Variants in TINAG observed in about 807,000 individuals in gnomAD.
The protein encoded by TINAG is tubulointerstitial nephritis antigen.
Under a neutral mutation model 72.7 loss-of-function variants are expected in TINAG, and 83 were observed. The ratio of observed to expected loss-of-function variants is 1.14; its 90% CI spans 0.96 to 1.37. TINAG has a LOEUF of 1.37. TINAG is among the 40% of genes most tolerant of loss of function. The pLI is 0.00. For missense variants in TINAG, 685 were observed against 576.6 expected (o/e 1.19, Z -1.93); for synonymous variants, 234 against 189.9 (o/e 1.23, Z -1.91).
chr6:54,331,154 A>G (rs529771027), intron 4 of TINAG, among the ~76,000 whole-genome samples: 1 of 152,296 alleles, frequency 6.6e-6, no homozygotes, highest in Non-Finnish European at 1.5e-5. Context: ...GACACGACAA[A>G]AAACAAAAAT....
intron 9 of TINAG, among the ~76,000 whole-genome samples, chr6:54,377,165 A>C (rs1763807835): frequency 6.6e-6 from 1 of 152,184 alleles, no homozygotes; most frequent in Admixed American, 6.6e-5. Context: ...CCAAATAGCC[A>C]GTATTAAGAT....
rs377287502 is a variant in TINAG, at chr6:54,310,838, TC to T, written c.355+1934del. Among the ~76,000 whole-genome samples the T allele has an allele frequency of 1.4e-3, 199 of 146,648 alleles. 1 individual carries two copies. The highest frequency in any genetic ancestry group is 3.8e-3 in the Admixed American group (56 of 14,788). On this transcript the variant is annotated intron_variant, in intron 1 of 10. Coordinates refer to ENST00000259782, the MANE Select transcript of TINAG (RefSeq NM_014464.4). ...TCCCTCTTTCTTTCTCTTTCTTTTTTCTCTCTCTCTTTCTCTCGCTCTTTCT... is the reference window on the plus strand; with the variant it reads ...TCCCTCTTTCTTTCTCTTTCTTTTTTTCTCTCTCTTTCTCTCGCTCTTTCT...
chr6:54,366,685 G>A (rs1763432396), intron 9 of TINAG, among the ~76,000 whole-genome samples: 1 of 150,416 alleles, frequency 6.6e-6, no homozygotes, highest in African/African-American at 2.4e-5. Context: ...GATATACATT[G>A]AGTAGCGAAG....
chr6:54,308,228 C>A, upstream of TINAG: 2 of 994,726 alleles, frequency 2.0e-6, no homozygotes, highest in Non-Finnish European at 3.0e-6. Context: ...TTTTGAGAGG[C>A]ATGCAATAGT....
chr6:54,366,063 A>G lies in TINAG; in HGVS notation c.1250+11427A>G, dbSNP rs1320117105. On this transcript the variant is annotated intron_variant, in intron 9 of 10. Transcript: ENST00000259782. Reference sequence around the variant, plus strand: ...TATCCATAATCACGGTAGTAGAACTATCACTAAACAACTGTAGTAGAACTC... The same window carrying G: ...TATCCATAATCACGGTAGTAGAACTGTCACTAAACAACTGTAGTAGAACTC... 3.3e-5 allele frequency among the ~76,000 whole-genome samples: 5 copies of G among 151,678 alleles called. No homozygotes were observed. The Admixed American group carries it at 3.3e-4, about 10-fold the overall frequency.
At position 54,343,226 on chromosome 6, in the gene TINAG, G is replaced by A. The variant is rs200699663; in HGVS notation, c.625G>A (p.Ala209Thr). ...ATATGTACCTCTTCTTCCTCTTTAG[G>A]CTTCTTTACCTGCAACAACTGATCT... ...PMLLSMNEMT[A>T]SLPATTDLPE... is the part of the protein sequence containing the mutation. Residue 209 changes from alanine to threonine, a missense_variant and splice_region_variant, in exon 5 of 11, where the codon GCT (alanine) becomes ACT (threonine). Ala to Thr is a moderately conservative substitution (Grantham distance 58, BLOSUM62 0). Coordinates refer to ENST00000259782, the MANE Select transcript of TINAG (RefSeq NM_014464.4). 1.6e-5 allele frequency: 25 copies of A among 1,549,114 alleles called. 1 individual carries two copies. The South Asian group carries it at 2.8e-4, about 17-fold the overall frequency.
chr6:54,354,724 C>G, intron 9 of TINAG, 88 bp downstream of exon 9: 1 of 1,349,152 alleles, frequency 7.4e-7, no homozygotes, highest in Non-Finnish European at 1.0e-6. Flanking sequence ...CTAGAATCCC[C>G]TTTGTAGGAG....
In TINAG at chr6:54,389,782, T is replaced by G. The variant is rs3736353; in HGVS notation, c.1297-9T>G. The G allele has an allele frequency of 0.045, 71,355 of 1,572,314 alleles. 3,184 individuals are homozygous for G. Among genetic ancestry groups the G allele is most frequent in the East Asian group, 0.27 (11,936 of 43,922 alleles). ...TTCTCAACTTTTTTGTTTGTTTGTT[T>G]TTCTGCAGATTGCTGCCAATTCCTG... On this transcript the variant is annotated splice_polypyrimidine_tract_variant and intron_variant, in intron 10 of 10. Coordinates refer to ENST00000259782, the MANE Select transcript of TINAG (RefSeq NM_014464.4).
intron 9 of TINAG, among the ~76,000 whole-genome samples, chr6:54,369,282 G>A (rs1360319212): frequency 6.6e-6 from 1 of 151,766 alleles, no homozygotes; most frequent in Non-Finnish European, 1.5e-5. Flanking sequence ...CAGTGATAGT[G>A]AAAATTAGTA....
At chr6:54,328,162 C>A (rs1485786246) in intron 4 of TINAG, among the ~76,000 whole-genome samples, 1 of 152,102 alleles carries the variant, frequency 6.6e-6, no homozygotes, top group African/African-American at 2.4e-5. Context: ...ACCCCCCATG[C>A]CTCTTGACTG....
intron 3 of TINAG, among the ~76,000 whole-genome samples, chr6:54,322,729 GTGTT>G (rs1784521092): frequency 6.6e-6 from 1 of 152,168 alleles, no homozygotes; most frequent in African/African-American, 2.4e-5. Flanking sequence ...GTTCCTCTGT[GTGTT>G]TGTGAGTGTG....
At chr6:54,320,456 T>A (rs1295697489) in intron 1 of TINAG, 123 bp from the exon 2 acceptor site, 1 of 691,450 alleles carries the variant, frequency 1.4e-6, no homozygotes, top group Non-Finnish European at 2.3e-6. Flanking sequence ...TTCTATCAGC[T>A]TTTTTGGCAC....
intron 2 of TINAG, 39 bp from the exon 3 acceptor site, chr6:54,321,257 TA>T: frequency 6.6e-7 from 1 of 1,513,226 alleles, no homozygotes; most frequent in Non-Finnish European, 9.2e-7. Context: ...ATATACTTCA[TA>T]AAGACCAAGC....
chr6:54,367,603 G>C (rs569408835), intron 9 of TINAG, among the ~76,000 whole-genome samples: 9 of 151,842 alleles, frequency 5.9e-5, no homozygotes, highest in African/African-American at 1.9e-4. Context: ...AAATGGCCCA[G>C]AATTAAAGGC....
intron 4 of TINAG, among the ~76,000 whole-genome samples, chr6:54,338,464 G>A (rs1342149732): frequency 6.6e-6 from 1 of 152,030 alleles, no homozygotes; most frequent in Non-Finnish European, 1.5e-5. Context: ...GCTCACACCT[G>A]TAATCTCAGC....
chr6:54,363,150 G>A (rs113593189), intron 9 of TINAG, among the ~76,000 whole-genome samples: 4 of 151,666 alleles, frequency 2.6e-5, no homozygotes, highest in African/African-American at 9.6e-5. Flanking sequence ...TGGACACAAG[G>A]AAGATTGTAT....
intron 9 of TINAG, among the ~76,000 whole-genome samples, chr6:54,357,947 C>T (rs1763104751): frequency 6.6e-6 from 1 of 151,886 alleles, no homozygotes; most frequent in Non-Finnish European, 1.5e-5. Flanking sequence ...AAAGGGCCAA[C>T]ATATTCTGAG....
At chr6:54,372,752 ATATATATATAT>A (rs1479714451) in intron 9 of TINAG, among the ~76,000 whole-genome samples, 1 of 110,980 alleles carries the variant, frequency 9.0e-6, no homozygotes, top group African/African-American at 3.8e-5. Flanking sequence ...ATATATATAT[ATATATATATAT>A]ATATATATAC....
intron 8 of TINAG, among the ~76,000 whole-genome samples, chr6:54,354,212 T>G (rs1292399986): frequency 1.3e-5 from 2 of 151,922 alleles, no homozygotes; most frequent in Admixed American, 1.3e-4. Flanking sequence ...CCAAGTATAG[T>G]ATGCTTTTGT....
Sources: gnomAD v4.1 joint callset for allele counts (sites outside exome capture counted in the v4.1 genomes callset) on GRCh38, gnomAD v4.1.1 for gene constraint, MANE v1.5 for transcripts, NCBI Gene and HGNC (gene_info 2026-07-23, HGNC 2026-07-21) for gene names.